Variants in B3GALT1 observed in about 807,000 individuals in gnomAD.
The protein encoded by B3GALT1 is beta-1,3-galactosyltransferase 1, also known as UDP-Gal:betaGlcNAc beta 1,3-galactosyltransferase, polypeptide 1.
A neutral mutation model predicts 23.2 loss-of-function variants in B3GALT1; 10 were observed. That is an observed-to-expected ratio of 0.43 (90% CI 0.27 to 0.73). The LOEUF (loss-of-function observed/expected upper bound fraction) is 0.73, where lower values mean the gene tolerates loss of function less well. Among genes scored for constraint, B3GALT1 ranks in the 30% least tolerant of loss-of-function variants. B3GALT1 has a pLI of 0.21. For missense variants in B3GALT1, 299 were observed against 405.4 expected, an observed-to-expected ratio of 0.74 and a Z score of 2.25; for synonymous variants, 156 against 141.5, an observed-to-expected ratio of 1.10 and a Z score of -0.73.
rs1271855902 is a variant in B3GALT1 at position 167,373,128 on chromosome 2, C to G, written c.-511+79794C>G. On this transcript the variant is annotated intron_variant, in intron 1 of 4. Coordinates refer to ENST00000392690, the MANE Select transcript of B3GALT1 (RefSeq NM_020981.4). Reference sequence around the variant, plus strand: ...AAGATAATTCCACTGAGAAAAAGAACATATTTTCAAGAAATTGTTTCAAAG... The same window carrying G: ...AAGATAATTCCACTGAGAAAAAGAAGATATTTTCAAGAAATTGTTTCAAAG... Among the ~76,000 whole-genome samples the G allele has an allele frequency of 2.0e-5, 3 of 151,856 alleles. No individual in the cohort carries two copies. In the East Asian group the frequency reaches 5.8e-4, roughly 29 times the overall value.
intron 3 of B3GALT1, among the ~76,000 whole-genome samples, chr2:167,755,037 G>C (rs1313854096): frequency 2.0e-5 from 3 of 152,096 alleles, no homozygotes; most frequent in Non-Finnish European, 4.4e-5. Flanking sequence ...GTAGGGGGCG[G>C]GGTGATGGTG....
At chr2:167,388,234 G>A (rs1697955728) in intron 1 of B3GALT1, among the ~76,000 whole-genome samples, 3 of 152,200 alleles carry the variant, frequency 2.0e-5, no homozygotes, top group African/African-American at 4.8e-5. Flanking sequence ...GTAATTCACT[G>A]ATGAGTGTAA....
At chr2:167,722,955 A>G (rs756421180) in intron 3 of B3GALT1, among the ~76,000 whole-genome samples, 3 of 152,224 alleles carry the variant, frequency 2.0e-5, no homozygotes, top group African/African-American at 4.8e-5. Flanking sequence ...GTCCAAAATT[A>G]TTTTATTGAA....
At chr2:167,825,001 T>C (rs978772902) in intron 4 of B3GALT1, among the ~76,000 whole-genome samples, 2 of 151,290 alleles carry the variant, frequency 1.3e-5, no homozygotes, top group Non-Finnish European at 2.9e-5. Flanking sequence ...GAAAAAAAAA[T>C]TGCATAGAAA....
At chr2:167,492,056 T>C (rs1356775804) in intron 2 of B3GALT1, among the ~76,000 whole-genome samples, 1 of 152,172 alleles carries the variant, frequency 6.6e-6, no homozygotes, top group Admixed American at 6.5e-5. Flanking sequence ...GACGCACATA[T>C]AATGACAAAT....
At chr2:167,637,067 C>T (rs2105452123) in intron 2 of B3GALT1, among the ~76,000 whole-genome samples, 1 of 152,008 alleles carries the variant, frequency 6.6e-6, no homozygotes, top group East Asian at 1.9e-4. Flanking sequence ...TAGTTAGTGC[C>T]CATGCTATTC....
chr2:167,686,025 T>G (rs1463116301), intron 3 of B3GALT1, among the ~76,000 whole-genome samples: 1 of 152,240 alleles, frequency 6.6e-6, no homozygotes, highest in Non-Finnish European at 1.5e-5. Flanking sequence ...AAGCAGTGAC[T>G]GTCAGTCTGT....
chr2:167,630,320 T>TA (rs1250813065), intron 2 of B3GALT1, among the ~76,000 whole-genome samples: 1 of 151,724 alleles, frequency 6.6e-6, no homozygotes, highest in African/African-American at 2.4e-5. Flanking sequence ...GTGTCATCCT[T>TA]AAAAAATGTA....
chr2:167,405,006 T>A (rs533602399), intron 1 of B3GALT1, among the ~76,000 whole-genome samples: 1 of 152,184 alleles, frequency 6.6e-6, no homozygotes, highest in Admixed American at 6.5e-5. Flanking sequence ...ATGTTTTAAT[T>A]ATTTTATCCC....
At chr2:167,716,166 A>C in intron 3 of B3GALT1, 1 of 1,253,334 alleles carries the variant, frequency 8.0e-7, no homozygotes, top group Non-Finnish European at 1.1e-6. Flanking sequence ...GCACGCGGCA[A>C]CCAACCGGAG....
chr2:167,404,222 T>C (rs994160167), intron 1 of B3GALT1, among the ~76,000 whole-genome samples: 4 of 152,044 alleles, frequency 2.6e-5, no homozygotes, highest in Admixed American at 6.6e-5. Flanking sequence ...CCATGGGAAC[T>C]AATAGAGCAA....
At chr2:167,797,755 C>T (rs766960620) in intron 3 of B3GALT1, among the ~76,000 whole-genome samples, 6 of 152,160 alleles carry the variant, frequency 3.9e-5, no homozygotes, top group Non-Finnish European at 8.8e-5. Context: ...GTTGCCCAGG[C>T]TGGAGTGCAG....
At chr2:167,807,175 T>C (rs1688773444) in intron 3 of B3GALT1, among the ~76,000 whole-genome samples, 1 of 152,232 alleles carries the variant, frequency 6.6e-6, no homozygotes, top group Admixed American at 6.5e-5. Flanking sequence ...CTTTATCATT[T>C]TTTATTGCAT....
intron 1 of B3GALT1, among the ~76,000 whole-genome samples, chr2:167,437,832 G>A: frequency 6.6e-6 from 1 of 152,144 alleles, no homozygotes; most frequent in East Asian, 1.9e-4. Flanking sequence ...TGACTGTCAT[G>A]GAAAACAGTT....
chr2:167,727,136 T>A (rs1472350779), intron 3 of B3GALT1, among the ~76,000 whole-genome samples: 1 of 151,742 alleles, frequency 6.6e-6, no homozygotes, highest in African/African-American at 2.4e-5. Context: ...ACCATTAATG[T>A]CACAGAGCCC....
chr2:167,548,069 C>G (rs1027160793), intron 2 of B3GALT1, among the ~76,000 whole-genome samples: 13 of 152,178 alleles, frequency 8.5e-5, no homozygotes, highest in Non-Finnish European at 1.6e-4. Context: ...CTGGGCCCAG[C>G]TTCACCAGTC....
chr2:167,477,279 T>C (rs78391083), intron 1 of B3GALT1, among the ~76,000 whole-genome samples: 2,086 of 152,216 alleles, frequency 0.014, 37 homozygotes, highest in East Asian at 0.056. Flanking sequence ...AGGTACAGGA[T>C]GAAATGACAC....
intron 1 of B3GALT1, among the ~76,000 whole-genome samples, chr2:167,426,070 ACAATG>A (rs1307749734): frequency 6.6e-6 from 1 of 152,136 alleles, no homozygotes; most frequent in Non-Finnish European, 1.5e-5. Flanking sequence ...TCCTCCATAT[ACAATG>A]CACATCTTAA....
At chr2:167,745,942 T>G (rs183601345) in intron 3 of B3GALT1, among the ~76,000 whole-genome samples, 11 of 152,210 alleles carry the variant, frequency 7.2e-5, no homozygotes, top group Admixed American at 7.2e-4. Flanking sequence ...CTCATATTAT[T>G]CTTCATATCT....
Sources: allele counts gnomAD v4.1 joint callset (sites outside exome capture counted in the v4.1 genomes callset), GRCh38; gene constraint gnomAD v4.1.1; transcripts MANE v1.5; gene names NCBI Gene and HGNC (gene_info 2026-07-23, HGNC 2026-07-21).